EIF4ENIF1: variants seen among roughly 807,000 people sequenced by gnomAD.
EIF4ENIF1 encodes the protein eukaryotic translation initiation factor 4E nuclear import factor 1, also known as eukaryotic translation initiation factor 4E transporter.
In EIF4ENIF1, 23 loss-of-function variants were observed where a neutral mutation model predicts 110.5. That is an observed-to-expected ratio of 0.21 (90% CI 0.15 to 0.29). The LOEUF (loss-of-function observed/expected upper bound fraction) is 0.29. Among genes scored for constraint, EIF4ENIF1 ranks in the 10% least tolerant of loss-of-function variants. The pLI, the probability that EIF4ENIF1 is intolerant of heterozygous loss-of-function variation, is 1.00. For synonymous variants in EIF4ENIF1, 440 were observed against 437.0 expected, an observed-to-expected ratio of 1.01 and a Z score of -0.09; for missense variants, 1,031 against 1,221.1, an observed-to-expected ratio of 0.84 and a Z score of 2.32.
rs771647378 is a variant in EIF4ENIF1, at chr22:31,441,726, C to G, written c.2551+48G>C. 194 of 1,483,564 alleles carry G rather than the reference C, an allele frequency of 1.3e-4. No homozygotes were observed. The Middle Eastern group carries it at 3.2e-3, about 24-fold the overall frequency. The allele number at this position is 1,483,564 out of a possible 1,614,324, so 91.9% of individuals were successfully genotyped here. A position where few individuals can be genotyped will look rare whatever the true frequency, so the allele number is the denominator to read the frequency against. ...GCACTTCATCAGTGCCAACAATTGT[C>G]CCCTAGGCCCACAAACTGACGACAC... On this transcript the variant is annotated intron_variant, in intron 17 of 18. Transcript: ENST00000330125.
At chr22:31,488,599 T>G in intron 2 of EIF4ENIF1, 24 bp downstream of exon 2, 1 of 1,614,060 alleles carries the variant, frequency 6.2e-7, no homozygotes, top group Non-Finnish European at 8.5e-7. Flanking sequence ...AAAGAAACAC[T>G]ATTTCATTAG....
At chr22:31,483,392 A>C (rs1382648177) in intron 2 of EIF4ENIF1, among the ~76,000 whole-genome samples, 2 of 151,778 alleles carry the variant, frequency 1.3e-5, no homozygotes, top group Non-Finnish European at 2.9e-5. Context: ...TTGTAGTGAC[A>C]GGGTCTTGTC....
At chr22:31,450,844 TACAC>T (rs372740127) in intron 10 of EIF4ENIF1, 15,054 of 120,866 alleles carry the variant, frequency 0.12, 909 homozygotes, top group Middle Eastern at 0.18. Flanking sequence ...ATATATATAC[TACAC>T]ACACACACAC....
intron 4 of EIF4ENIF1, among the ~76,000 whole-genome samples, chr22:31,466,145 A>G (rs2051178816): frequency 6.6e-6 from 1 of 151,508 alleles, no homozygotes. Flanking sequence ...AGGCACGGTG[A>G]CTCATGCCTG....
intron 14 of EIF4ENIF1, among the ~76,000 whole-genome samples, chr22:31,446,393 G>C (rs57568144): frequency 6.6e-6 from 1 of 151,888 alleles, no homozygotes; most frequent in East Asian, 1.9e-4. Context: ...GGGTTCAGCA[G>C]ACCAGTCTGG....
chr22:31,448,695 A>C (rs1163708880), intron 12 of EIF4ENIF1, among the ~76,000 whole-genome samples: 1 of 152,226 alleles, frequency 6.6e-6, no homozygotes, highest in Non-Finnish European at 1.5e-5. Context: ...ACGACATTCC[A>C]TGTAAATACT....
In EIF4ENIF1 at chr22:31,463,898, C is replaced by A; in HGVS notation, c.368G>T (p.Gly123Val). The A allele has an allele frequency of 6.2e-7, 1 of 1,614,172 alleles. No individual in the cohort carries two copies. The highest frequency in any genetic ancestry group is 2.2e-5 in the East Asian group (1 of 44,880). The change falls in exon 5 of 19, where the codon GGG (glycine) becomes GTG (valine). Residue 123 changes from glycine (G) to valine (V), a missense_variant. Around this residue, in one of 3 missense-constraint regions of EIF4ENIF1, gnomAD observed 704 missense variants for 879.7 expected, o/e 0.80. Coordinates refer to ENST00000330125, the MANE Select transcript of EIF4ENIF1 (RefSeq NM_019843.4). Reference protein sequence around the residue: ...VLSPQRRSFGGGCHVTAAVSS... With the variant: ...VLSPQRRSFGVGCHVTAAVSS... ...AACAGCGGCTGTCACGTGGCAGCCCCCTCCAAAGCTCCGTCTCTGAGGGCT... is the reference window on the plus strand; with the variant it reads ...AACAGCGGCTGTCACGTGGCAGCCCACTCCAAAGCTCCGTCTCTGAGGGCT...
intron 13 of EIF4ENIF1, 60 bp downstream of exon 13, chr22:31,448,093 C>G (rs2050531752): frequency 1.4e-5 from 22 of 1,571,892 alleles, no homozygotes; most frequent in Non-Finnish European, 1.9e-5. Context: ...TCTCCACTCC[C>G]CATGCACCAA....
chr22:31,490,208 C>T (rs1370183358), upstream of EIF4ENIF1, among the ~76,000 whole-genome samples: 3 of 152,244 alleles, frequency 2.0e-5, no homozygotes, highest in Non-Finnish European at 2.9e-5. Context: ...CTCCCGGAGG[C>T]GGTGGCTAGA....
chr22:31,456,316 C>T lies in EIF4ENIF1; in HGVS notation c.964-329G>A, dbSNP rs549265493. Among the ~76,000 whole-genome samples, 143 of 151,646 alleles carry T rather than the reference C, an allele frequency of 9.4e-4. 2 individuals carry two copies. The highest frequency in any genetic ancestry group is 8.1e-4 in the Non-Finnish European group (55 of 67,882). On this transcript the variant is annotated intron_variant, in intron 7 of 18. Coordinates refer to ENST00000330125, the MANE Select transcript of EIF4ENIF1 (RefSeq NM_019843.4). ...TCGGCTCACTGCAAGCTCCGCCTCC[C>T]GGGTTCACACCATTCTCCTGCCTCA...
chr22:31,471,178 A>T (rs1205876157), intron 3 of EIF4ENIF1, among the ~76,000 whole-genome samples: 5 of 151,962 alleles, frequency 3.3e-5, no homozygotes, highest in African/African-American at 1.2e-4. Context: ...TGAACGGCTG[A>T]ATAGTTTTTT....
At position 31,444,597 on chromosome 22, in the gene EIF4ENIF1, G is replaced by T. The variant is rs1238507817; in HGVS notation, c.2073+9C>A. ...TTAAAGTCCTTCACAGTTACTAAAG[G>T]TCACTGACCATGCTTGTGATGGAGG... On this transcript the variant is annotated intron_variant, in intron 15 of 18. Transcript: ENST00000330125. The T allele has an allele frequency of 1.2e-6, 2 of 1,613,658 alleles. No individual in the cohort carries two copies. The highest frequency in any genetic ancestry group is 4.5e-5 in the East Asian group (2 of 44,868).
chr22:31,491,011 G>A (rs2052260400), upstream of EIF4ENIF1, among the ~76,000 whole-genome samples: 2 of 152,164 alleles, frequency 1.3e-5, no homozygotes, highest in South Asian at 4.1e-4. Flanking sequence ...AATAAAGTGT[G>A]TTTCTTACAA....
chr22:31,437,735 G>A (rs1000869588), downstream of EIF4ENIF1: 2 of 152,170 alleles, frequency 1.3e-5, no homozygotes, highest in Admixed American at 6.6e-5. Context: ...AAGATAAGTG[G>A]AAGAGGATAC....
chr22:31,437,450 T>TCCCCCCCCCCCCCCCCC (rs368145036), downstream of EIF4ENIF1: 6 of 125,010 alleles, frequency 4.8e-5, no homozygotes, highest in Non-Finnish European at 6.7e-5. Flanking sequence ...TTTGCCTTCA[T>TCCCCCCCCCCCCCCCCC]CCCCCCCCCA....
chr22:31,481,886 G>A (rs917612713), intron 2 of EIF4ENIF1, among the ~76,000 whole-genome samples: 1 of 152,052 alleles, frequency 6.6e-6, no homozygotes, highest in African/African-American at 2.4e-5. Context: ...GAGTCCACAT[G>A]GGGCCAGATG....
chr22:31,451,509 C>T lies in EIF4ENIF1; in HGVS notation c.1513-1149G>A, dbSNP rs1294891976. Among the ~76,000 whole-genome samples, 6 of 151,586 alleles carry T rather than the reference C, an allele frequency of 4.0e-5. No homozygotes were observed. The South Asian group carries it at 8.4e-4, about 21-fold the overall frequency. On this transcript the variant is annotated intron_variant, in intron 10 of 18. Transcript: ENST00000330125. ...CAGGATGGTCTCGATCTCCTGACCT[C>T]GTGATCTGCCCGCCTCGGCCTCCCA...
At chr22:31,461,072 G>A (rs550791008) in intron 6 of EIF4ENIF1, among the ~76,000 whole-genome samples, 1 of 152,330 alleles carries the variant, frequency 6.6e-6, no homozygotes, top group East Asian at 1.9e-4. Flanking sequence ...CCTTCTTGGA[G>A]GCTGAGTTCT....
In EIF4ENIF1 at chr22:31,455,267, A is replaced by C; in HGVS notation, c.1148T>G (p.Phe383Cys). The C allele has an allele frequency of 6.2e-7, 1 of 1,612,700 alleles. No individual in the cohort carries two copies. The highest frequency in any genetic ancestry group is 8.5e-7 in the Non-Finnish European group (1 of 1,179,450). The change falls in exon 9 of 19, where the codon TTT becomes TGT. Residue 383 changes from phenylalanine (F) to cysteine (C), a missense_variant. Physicochemically the swap from Phe to Cys is radical, Grantham distance 205 (BLOSUM62 -2). Coordinates refer to ENST00000330125, the MANE Select transcript of EIF4ENIF1 (RefSeq NM_019843.4). ...LSPGQNSGNYFAPIPLEDHAE... is the reference protein window; with the variant it reads ...LSPGQNSGNYCAPIPLEDHAE... Reference sequence around the variant, plus strand: ...ATGGTCTTCCAATGGTATAGGAGCAAAGTAATTCCCCGAGTTCTGTCCAGG... The same window carrying C: ...ATGGTCTTCCAATGGTATAGGAGCACAGTAATTCCCCGAGTTCTGTCCAGG...
Sources: gnomAD v4.1 joint callset for allele counts (sites outside exome capture counted in the v4.1 genomes callset) on GRCh38, gnomAD v4.1.1 for gene constraint, gnomAD v4.1.1 regional missense constraint, MANE v1.5 for transcripts, NCBI Gene and HGNC (gene_info 2026-07-23, HGNC 2026-07-21) for gene names.